The following FMN1 variants were observed in gnomAD, a reference collection of about 807,000 sequenced individuals.
FMN1 encodes formin 1, also known as formin-1.
FMN1 carries 110 observed loss-of-function variants against 132.4 expected under a neutral mutation model. The ratio of observed to expected loss-of-function variants is 0.83; its 90% CI spans 0.71 to 0.97. The LOEUF (loss-of-function observed/expected upper bound fraction) is 0.97. FMN1 is among the 50% of genes least tolerant of loss of function. The pLI is 0.00. For synonymous variants in FMN1, 722 were observed against 651.7 expected, an observed-to-expected ratio of 1.11 and a Z score of -1.64; for missense variants, 1,792 against 1,705.3, an observed-to-expected ratio of 1.05 and a Z score of -0.90.
intron 17 of FMN1, among the ~76,000 whole-genome samples, chr15:32,823,172 T>TTTG (rs1567224996): frequency 9.9e-6 from 1 of 101,194 alleles, no homozygotes; most frequent in African/African-American, 3.5e-5. Context: ...TTTTTTTTTT[T>TTTG]TTTTTTTGAG....
intron 10 of FMN1, among the ~76,000 whole-genome samples, chr15:32,924,301 T>C (rs933248567): frequency 6.6e-6 from 1 of 152,224 alleles, no homozygotes; most frequent in Non-Finnish European, 1.5e-5. Context: ...ACAGCTTATC[T>C]GAATGCTCTG....
chr15:33,112,940 C>G (rs991684068), intron 4 of FMN1, among the ~76,000 whole-genome samples: 2 of 152,114 alleles, frequency 1.3e-5, no homozygotes, highest in Non-Finnish European at 2.9e-5. Flanking sequence ...TGTACTGGGA[C>G]AAAGGGGAAG....
intron 7 of FMN1, among the ~76,000 whole-genome samples, chr15:32,996,535 G>A (rs2033778777): frequency 6.6e-6 from 1 of 152,144 alleles, no homozygotes; most frequent in Non-Finnish European, 1.5e-5. Context: ...ATCTTCCAGA[G>A]GCAGTTCAGT....
At chr15:32,997,405 G>T (rs116420258) in intron 7 of FMN1, among the ~76,000 whole-genome samples, 1 of 150,928 alleles carries the variant, frequency 6.6e-6, no homozygotes, top group East Asian at 1.9e-4. Context: ...CACAGGACGA[G>T]AGAAAAAATT....
At chr15:33,049,506 A>ACGATGG (rs2036866441) in intron 6 of FMN1, among the ~76,000 whole-genome samples, 1 of 152,244 alleles carries the variant, frequency 6.6e-6, no homozygotes, top group East Asian at 1.9e-4. Context: ...TTAGTAATTT[A>ACGATGG]TGATGGTGAT....
chr15:32,850,763 T>C (rs887085356), intron 17 of FMN1, among the ~76,000 whole-genome samples: 30 of 152,266 alleles, frequency 2.0e-4, no homozygotes, highest in African/African-American at 6.7e-4. Context: ...ATTACTGCTT[T>C]TGTTTATTTT....
intron 7 of FMN1, 138 bp from the exon 8 acceptor site, chr15:32,969,615 T>C (rs1449117713): frequency 2.9e-6 from 3 of 1,035,144 alleles, no homozygotes; most frequent in Middle Eastern, 2.5e-4. Context: ...GACATTCTTT[T>C]AAGAATCCAT....
At chr15:32,916,873 T>G (rs1383741931) in intron 10 of FMN1, among the ~76,000 whole-genome samples, 1 of 152,058 alleles carries the variant, frequency 6.6e-6, no homozygotes, top group Non-Finnish European at 1.5e-5. Flanking sequence ...ATTCAATCAG[T>G]AAGAGAAAGA....
chr15:32,858,549 C>T (rs1003244947), intron 16 of FMN1, among the ~76,000 whole-genome samples: 13 of 152,212 alleles, frequency 8.5e-5, no homozygotes, highest in African/African-American at 2.7e-4. Flanking sequence ...CAAGCTCTAT[C>T]TATTGACATT....
chr15:33,179,582 A>T (rs950665689), intron 3 of FMN1, among the ~76,000 whole-genome samples: 1 of 152,098 alleles, frequency 6.6e-6, no homozygotes, highest in African/African-American at 2.4e-5. Flanking sequence ...GTCTCCATGG[A>T]ACTTGTCATC....
rs1325289436 is a variant in FMN1, at chr15:32,770,515, A to C, written c.*3795T>G. On this transcript the variant is annotated 3_prime_UTR_variant, in exon 21 of 21. Coordinates refer to ENST00000616417, the MANE Select transcript of FMN1 (RefSeq NM_001277313.2). ...GGCCCTTAGAAAAACCGTACCAATG[A>C]CTTATCTTACTGGAGGTGTTAATAC... 2 of 152,154 alleles carry C rather than the reference A, an allele frequency of 1.3e-5. No homozygotes were observed. The highest frequency in any genetic ancestry group is 4.8e-5 in the African/African-American group (2 of 41,420). 9.4% of individuals were successfully genotyped at this position (152,154 alleles called of 1,614,324 possible).
At chr15:32,970,404 T>C (rs990674122) in intron 7 of FMN1, among the ~76,000 whole-genome samples, 1 of 152,204 alleles carries the variant, frequency 6.6e-6, no homozygotes, top group Non-Finnish European at 1.5e-5. Context: ...CCCCATGAGA[T>C]TATAAACTCC....
At chr15:32,950,022 T>TATATACACATACAC (rs1555503209) in intron 9 of FMN1, among the ~76,000 whole-genome samples, 2 of 3,364 alleles carry the variant, frequency 5.9e-4, no homozygotes, top group Admixed American at 5.1e-3. Flanking sequence ...TATACACATA[T>TATATACACATACAC]ATATATATAT....
intron 4 of FMN1, among the ~76,000 whole-genome samples, chr15:33,094,811 T>C (rs1464295311): frequency 1.3e-5 from 2 of 152,188 alleles, no homozygotes; most frequent in African/African-American, 4.8e-5. Context: ...AACTTATGTG[T>C]GGCCATAGTT....
chr15:32,879,725 T>C (rs966492662), intron 16 of FMN1, among the ~76,000 whole-genome samples: 1 of 152,164 alleles, frequency 6.6e-6, no homozygotes, highest in Non-Finnish European at 1.5e-5. Context: ...GCATGGTTTA[T>C]CATGTGATAA....
intron 5 of FMN1, chr15:33,068,014 G>T: frequency 1.4e-6 from 2 of 1,449,276 alleles, no homozygotes; most frequent in Non-Finnish European, 1.8e-6. Context: ...GCTGTCAGCC[G>T]CACAGCAAAC....
chr15:32,794,207 A>T (rs560893858), intron 19 of FMN1, among the ~76,000 whole-genome samples: 9 of 152,240 alleles, frequency 5.9e-5, no homozygotes, highest in Admixed American at 3.9e-4. Flanking sequence ...AAAGAAAAAA[A>T]CAAGATAACT....
rs1296505456 is a variant in FMN1, at chr15:32,929,801, T to C, written c.3139-3540A>G. Among the ~76,000 whole-genome samples the C allele has an allele frequency of 3.3e-5, 5 of 151,494 alleles. No homozygotes were observed. In the East Asian group the frequency reaches 7.7e-4, roughly 23 times the overall value. Reference sequence around the variant, plus strand: ...TTTGTGGTCAAGTAATATTCCACTGTATGTACACACCACGTTTTCTTTACC... The same window carrying C: ...TTTGTGGTCAAGTAATATTCCACTGCATGTACACACCACGTTTTCTTTACC... On this transcript the variant is annotated intron_variant, in intron 9 of 20. Coordinates refer to ENST00000616417, the MANE Select transcript of FMN1 (RefSeq NM_001277313.2).
intron 5 of FMN1, chr15:33,067,206 C>T: frequency 6.2e-7 from 1 of 1,613,530 alleles, no homozygotes; most frequent in Non-Finnish European, 8.5e-7. Context: ...GGGCGACGCT[C>T]TGTCTGAAGA....
Sources: allele counts gnomAD v4.1 joint callset (sites outside exome capture counted in the v4.1 genomes callset), GRCh38; gene constraint gnomAD v4.1.1; transcripts MANE v1.5; gene names NCBI Gene and HGNC (gene_info 2026-07-23, HGNC 2026-07-21).